Variants in RALGAPA2 observed in about 807,000 individuals in gnomAD.
RALGAPA2 encodes the protein ral GTPase-activating protein subunit alpha-2.
Under a neutral mutation model 230.4 loss-of-function variants are expected in RALGAPA2, and 139 were observed. That is an observed-to-expected ratio of 0.60 (90% CI 0.53 to 0.69). The LOEUF (loss-of-function observed/expected upper bound fraction) is 0.69. Ranked by LOEUF, RALGAPA2 falls within the 30% of genes least tolerant of loss-of-function variation. The probability of loss-of-function intolerance (pLI) is 0.00; values close to 1 mark genes in which losing one functional copy is unlikely to be tolerated. For synonymous variants in RALGAPA2, 847 were observed against 837.8 expected, an observed-to-expected ratio of 1.01 and a Z score of -0.19; for missense variants, 2,163 against 2,276.0, an observed-to-expected ratio of 0.95 and a Z score of 1.01.
At chr20:20,506,362 T>C (rs968003690) in intron 33 of RALGAPA2, among the ~76,000 whole-genome samples, 2 of 152,202 alleles carry the variant, frequency 1.3e-5, no homozygotes, top group African/African-American at 4.8e-5. Flanking sequence ...TGAGCAGATA[T>C]ATGGTGATAC....
At chr20:20,481,934 T>C (rs2061785735) in intron 36 of RALGAPA2, among the ~76,000 whole-genome samples, 1 of 152,106 alleles carries the variant, frequency 6.6e-6, no homozygotes, top group Admixed American at 6.5e-5. Context: ...AATAGTACTG[T>C]CCTAATGAGA....
intron 4 of RALGAPA2, among the ~76,000 whole-genome samples, chr20:20,650,420 T>C (rs1320811588): frequency 6.6e-6 from 1 of 152,150 alleles, no homozygotes; most frequent in Non-Finnish European, 1.5e-5. Context: ...GTTGCCCTTA[T>C]TTTAGGTTTC....
intron 28 of RALGAPA2, 99 bp downstream of exon 28, chr20:20,526,153 G>T: frequency 3.2e-6 from 3 of 925,606 alleles, no homozygotes; most frequent in African/African-American, 1.7e-5. Context: ...TTTAATAGTT[G>T]GTTCTCTAAC....
At chr20:20,542,780 A>C (rs1461814976) in intron 24 of RALGAPA2, among the ~76,000 whole-genome samples, 2 of 152,232 alleles carry the variant, frequency 1.3e-5, no homozygotes, top group African/African-American at 4.8e-5. Context: ...TAAAGATTTA[A>C]ACATAAGACC....
chr20:20,636,586 G>A (rs888243297), intron 8 of RALGAPA2, among the ~76,000 whole-genome samples: 3 of 151,002 alleles, frequency 2.0e-5, no homozygotes, highest in Admixed American at 6.6e-5. Context: ...GTGTGTGTAC[G>A]CATACATAGA....
At chr20:20,458,541 A>G (rs1365402774) in intron 37 of RALGAPA2, among the ~76,000 whole-genome samples, 11 of 137,696 alleles carry the variant, frequency 8.0e-5, no homozygotes, top group Non-Finnish European at 1.7e-4. Context: ...TATATATAAT[A>G]TATATGTATT....
chr20:20,544,185 G>C (rs967817406), intron 24 of RALGAPA2, among the ~76,000 whole-genome samples: 1 of 152,118 alleles, frequency 6.6e-6, no homozygotes, highest in South Asian at 2.1e-4. Flanking sequence ...ACTTTGGGAG[G>C]CCCAGGCAAG....
chr20:20,469,401 A>G (rs1036546495), intron 37 of RALGAPA2, among the ~76,000 whole-genome samples: 4 of 152,242 alleles, frequency 2.6e-5, no homozygotes, highest in African/African-American at 9.6e-5. Context: ...CATGGGTCTA[A>G]GAGGGGACAC....
At chr20:20,465,149 T>TCACACA (rs74180992) in intron 37 of RALGAPA2, among the ~76,000 whole-genome samples, 26,757 of 109,006 alleles carry the variant, frequency 0.25, 3,880 homozygotes, top group Admixed American at 0.32. Flanking sequence ...CCGCAGGCCT[T>TCACACA]CACACACACA....
In RALGAPA2 at chr20:20,712,518, T is replaced by C. The variant is rs1177222184; in HGVS notation, c.-38A>G. 9.2e-6 allele frequency: 14 copies of C among 1,528,938 alleles called. No homozygotes were observed. Among genetic ancestry groups the C allele is most frequent in the African/African-American group, 1.4e-5 (1 of 70,494 alleles). The allele number at this position is 1,528,938 out of a possible 1,614,324, so 94.7% of individuals were successfully genotyped here. A position where few individuals can be genotyped will look rare whatever the true frequency, so the allele number is the denominator to read the frequency against. ...AGCCCGGGCCCCGCCGGCGGGGCAG[T>C]AGGCGCCTGCGCCACGCGAATCAAA... On this transcript the variant is annotated 5_prime_UTR_variant, in exon 1 of 40. Coordinates refer to ENST00000202677, the MANE Select transcript of RALGAPA2 (RefSeq NM_020343.4). The surrounding 1 kb of genome is among the most constrained non-coding windows in gnomAD (Gnocchi z 5.5).
intron 38 of RALGAPA2, among the ~76,000 whole-genome samples, chr20:20,402,150 A>G (rs1018566924): frequency 3.9e-5 from 6 of 152,190 alleles, no homozygotes; most frequent in Non-Finnish European, 5.9e-5. Flanking sequence ...TCTGGACATG[A>G]CCAGCCACCT....
At chr20:20,421,051 C>T (rs1602318953) in intron 37 of RALGAPA2, among the ~76,000 whole-genome samples, 2 of 152,238 alleles carry the variant, frequency 1.3e-5, no homozygotes, top group African/African-American at 4.8e-5. Flanking sequence ...ATCTGCAAAC[C>T]ATTTAAGTGA....
intron 37 of RALGAPA2, among the ~76,000 whole-genome samples, chr20:20,416,796 G>A (rs943290420): frequency 6.6e-6 from 1 of 152,170 alleles, no homozygotes; most frequent in African/African-American, 2.4e-5. Context: ...GTCTGTAAGA[G>A]GCTATGTTGC....
chr20:20,601,761 C>A lies in RALGAPA2; in HGVS notation c.2124G>T (p.Pro708=), dbSNP rs767839271. The A allele has an allele frequency of 3.1e-6, 5 of 1,613,752 alleles. No homozygotes were observed. Among genetic ancestry groups the A allele is most frequent in the African/African-American group, 1.3e-5 (1 of 74,926 alleles). Residue 708 remains proline (P), a synonymous_variant, in exon 16 of 40, where the codon CCG becomes CCT. Transcript: ENST00000202677. ...SWRSHPDVTE[P]MRFRSATTSG... ...ACGTGGTGGCACTCCTAAATCGCAT[C>A]GGTTCGGTCACATCTGGGTGGCTCC...
intron 14 of RALGAPA2, among the ~76,000 whole-genome samples, chr20:20,608,180 A>G (rs1462192741): frequency 1.3e-5 from 2 of 152,188 alleles, no homozygotes; most frequent in African/African-American, 4.8e-5. Context: ...GTATTTTAAA[A>G]ACACCTTAAC....
intron 1 of RALGAPA2, among the ~76,000 whole-genome samples, chr20:20,688,458 T>C (rs539593757): frequency 6.6e-6 from 1 of 152,320 alleles, no homozygotes; most frequent in South Asian, 2.1e-4. Context: ...ACTCGAGATC[T>C]GGTCAAAGAT....
chr20:20,521,700 T>A lies in RALGAPA2; in HGVS notation c.3901-600A>T, dbSNP rs2063047404. On this transcript the variant is annotated intron_variant, in intron 30 of 39. Transcript: ENST00000202677. ...CAAGCCATGCAAACACAAATCATCT[T>A]GAATATGCCAAAATGCATAAATGAG... Among the ~76,000 whole-genome samples the A allele has an allele frequency of 1.3e-5, 2 of 152,220 alleles. 1 individual carries two copies. Among genetic ancestry groups the A allele is most frequent in the South Asian group, 4.1e-4 (2 of 4,834 alleles).
intron 3 of RALGAPA2, among the ~76,000 whole-genome samples, chr20:20,667,618 T>C (rs995715258): frequency 6.6e-6 from 1 of 152,226 alleles, no homozygotes; most frequent in Non-Finnish European, 1.5e-5. Context: ...GCACTTGCTG[T>C]GTGGTTCACC....
intron 13 of RALGAPA2, among the ~76,000 whole-genome samples, chr20:20,613,496 C>T (rs989600669): frequency 6.6e-6 from 1 of 152,196 alleles, no homozygotes; most frequent in African/African-American, 2.4e-5. Flanking sequence ...GCCAGAGGGG[C>T]CTTTCAGAAG....
Sources: allele counts gnomAD v4.1 joint callset (sites outside exome capture counted in the v4.1 genomes callset), GRCh38; gene constraint gnomAD v4.1.1; non-coding constraint Gnocchi (gnomAD v3.1); transcripts MANE v1.5; gene names NCBI Gene and HGNC (gene_info 2026-07-23, HGNC 2026-07-21).